Variants in GREB1 observed in about 807,000 individuals in gnomAD.
GREB1 encodes protein GREB1.
In GREB1, 106 loss-of-function variants were observed where a neutral mutation model predicts 200.7. The ratio of observed to expected loss-of-function variants is 0.53; its 90% CI spans 0.45 to 0.62. The LOEUF (loss-of-function observed/expected upper bound fraction) is 0.62. Among genes scored for constraint, GREB1 ranks in the 20% least tolerant of loss-of-function variants. The probability of loss-of-function intolerance (pLI) is 0.00; values close to 1 mark genes in which losing one functional copy is unlikely to be tolerated. For missense variants in GREB1, 2,243 were observed against 2,556.8 expected, an observed-to-expected ratio of 0.88 and a Z score of 2.65; for synonymous variants, 1,132 against 1,092.4, an observed-to-expected ratio of 1.04 and a Z score of -0.72.
At chr2:11,558,933 A>C (rs1405263618) in intron 2 of GREB1, among the ~76,000 whole-genome samples, 4 of 152,184 alleles carry the variant, frequency 2.6e-5, no homozygotes, top group Admixed American at 1.3e-4. Flanking sequence ...TTAACCTACC[A>C]CCTCCTTTAG....
upstream of GREB1, among the ~76,000 whole-genome samples, chr2:11,529,532 T>C (rs1673995241): frequency 6.6e-6 from 1 of 152,162 alleles, no homozygotes; most frequent in Non-Finnish European, 1.5e-5. Flanking sequence ...ACCCCCTTGC[T>C]CTAGGGGAGC....
At chr2:11,544,857 C>T (rs1165696650) in intron 1 of GREB1, among the ~76,000 whole-genome samples, 2 of 152,216 alleles carry the variant, frequency 1.3e-5, no homozygotes, top group Non-Finnish European at 2.9e-5. Flanking sequence ...CTCTGTCACC[C>T]AGGCTGGAGT....
intron 4 of GREB1, among the ~76,000 whole-genome samples, chr2:11,569,439 G>C (rs1177676370): frequency 6.6e-6 from 1 of 152,156 alleles, no homozygotes; most frequent in African/African-American, 2.4e-5. Context: ...AGCAGAGACG[G>C]TAAGGTGCTC....
intron 1 of GREB1, among the ~76,000 whole-genome samples, chr2:11,522,366 A>G (rs1673731796): frequency 6.6e-6 from 1 of 152,206 alleles, no homozygotes; most frequent in African/African-American, 2.4e-5. Context: ...AACCTCCAGC[A>G]TAAATGGGTT....
In GREB1 at chr2:11,635,322, C is replaced by G. The variant is rs767472441; in HGVS notation, c.5263C>G (p.Leu1755Val). The G allele has an allele frequency of 2.5e-5, 41 of 1,614,088 alleles. No homozygotes were observed. In the Admixed American group the frequency reaches 6.7e-4, roughly 26 times the overall value. Reference protein sequence around the residue: ...FNLRVHSAGLLLCRFNRFSVM... With the variant: ...FNLRVHSAGLVLCRFNRFSVM... Reference sequence around the variant, plus strand: ...CCTGCGGGTGCACAGCGCCGGCCTCCTGCTCTGCCGGTTCAACCGCTTCAG... The same window carrying G: ...CCTGCGGGTGCACAGCGCCGGCCTCGTGCTCTGCCGGTTCAACCGCTTCAG... Residue 1755 changes from leucine to valine, a missense_variant, in exon 30 of 33, where the codon CTG (leucine) becomes GTG (valine). Transcript: ENST00000381486.
intron 8 of GREB1, among the ~76,000 whole-genome samples, chr2:11,585,499 C>G (rs1005076648): frequency 6.6e-6 from 1 of 152,234 alleles, no homozygotes; most frequent in East Asian, 1.9e-4. Context: ...AGTGAGTTCT[C>G]TGATCCTTGA....
Position 11,585,154 on chromosome 2 carries a change from T to G in GREB1, c.902-7T>G, listed in dbSNP as rs1349635617. ...ATAGCCTAATCCACACTCTGAATAT[T>G]GTCTAGGTATCTTGTCAAACTCCGG... On this transcript the variant is annotated splice_region_variant and splice_polypyrimidine_tract_variant and intron_variant, in intron 7 of 32. Transcript: ENST00000381486. 1 of 1,513,358 alleles carries G rather than the reference T, an allele frequency of 6.6e-7. No homozygotes were observed. The highest frequency in any genetic ancestry group is 8.9e-7 in the Non-Finnish European group (1 of 1,120,300). 93.7% of individuals were successfully genotyped at this position (1,513,358 alleles called of 1,614,324 possible). A position where few individuals can be genotyped will look rare whatever the true frequency, so the allele number is the denominator to read the frequency against.
intron 25 of GREB1, among the ~76,000 whole-genome samples, chr2:11,628,802 G>A (rs887028016): frequency 3.3e-5 from 5 of 152,124 alleles, no homozygotes; most frequent in African/African-American, 1.2e-4. Context: ...AGAGGAGGAG[G>A]AGAGGCAGCC....
In GREB1 at chr2:11,504,731, T is replaced by C. The variant is rs76522681; in HGVS notation, c.-159+22350T>C. 3.2e-4 allele frequency among the ~76,000 whole-genome samples: 48 copies of C among 152,350 alleles called. No individual in the cohort carries two copies. In the East Asian group the frequency reaches 7.9e-3, roughly 25 times the overall value. On this transcript the variant is annotated intron_variant, in intron 1 of 2. Transcript: ENST00000628795. ...AATAACATTCCATTGTATGGATAGATCACATTTTGTTTATCCAAACATTGC... is the reference window on the plus strand; with the variant it reads ...AATAACATTCCATTGTATGGATAGACCACATTTTGTTTATCCAAACATTGC...
rs61394202 is a variant in GREB1, at chr2:11,513,879, A to C, written c.-159+31498A>C. Among the ~76,000 whole-genome samples the C allele has an allele frequency of 5.3e-3, 800 of 152,262 alleles. 7 individuals carry two copies. The highest frequency in any genetic ancestry group is 0.018 in the African/African-American group (747 of 41,548). On this transcript the variant is annotated intron_variant, in intron 1 of 2. Transcript: ENST00000628795. ...TCACCAGCATAACTTGTGGTTCTTC[A>C]GCCAGTAATTTCTGAGTAATAATCT...
rs781368645 is a variant in GREB1, at chr2:11,618,388, A to C, written c.3513A>C (p.Arg1171Ser). 3.5e-5 allele frequency: 56 copies of C among 1,611,676 alleles called. No individual in the cohort carries two copies. Among genetic ancestry groups the C allele is most frequent in the Middle Eastern group, 1.6e-4 (1 of 6,066 alleles). Reference sequence around the variant, plus strand: ...CCCGTGGCCCCGCAGAGGAGGGCAGAGCCCCTGGTGAGAAACAGAGGCCCC... The same window carrying C: ...CCCGTGGCCCCGCAGAGGAGGGCAGCGCCCCTGGTGAGAAACAGAGGCCCC... ...PQPRGPAEEG[R>S]APGEKQRPRA... Residue 1171 changes from arginine (R) to serine (S), a missense_variant, in exon 22 of 33, where the codon AGA becomes AGC. By Grantham distance (110) the Arg-to-Ser change is moderately radical. Coordinates refer to ENST00000381486, the MANE Select transcript of GREB1 (RefSeq NM_014668.4).
intron 1 of GREB1, among the ~76,000 whole-genome samples, chr2:11,498,238 T>C (rs997765996): frequency 6.6e-6 from 1 of 152,118 alleles, no homozygotes; most frequent in African/African-American, 2.4e-5. Context: ...TTATGTTTTA[T>C]GTGTAGGTCT....
intron 1 of GREB1, among the ~76,000 whole-genome samples, chr2:11,487,721 T>C (rs1354189023): frequency 2.0e-5 from 3 of 152,230 alleles, no homozygotes; most frequent in Admixed American, 2.0e-4. Context: ...GTTGTCAAGA[T>C]TTTGTCAATT....
chr2:11,579,036 G>A (rs1572785713), intron 6 of GREB1, among the ~76,000 whole-genome samples: 2 of 152,226 alleles, frequency 1.3e-5, no homozygotes, highest in South Asian at 2.1e-4. Flanking sequence ...TAAGCATGGC[G>A]ATTGTTATCA....
At chr2:11,551,210 G>A (rs1423677999) in intron 1 of GREB1, among the ~76,000 whole-genome samples, 1 of 152,202 alleles carries the variant, frequency 6.6e-6, no homozygotes, top group Non-Finnish European at 1.5e-5. Flanking sequence ...GATTTGAGCT[G>A]ACATGGAGCT....
intron 26 of GREB1, among the ~76,000 whole-genome samples, chr2:11,630,652 C>A (rs1049034545): frequency 5.3e-5 from 8 of 152,186 alleles, no homozygotes; most frequent in Non-Finnish European, 1.2e-4. Flanking sequence ...GGAAGTAAAT[C>A]CCAGACCTCA....
Position 11,593,035 on chromosome 2 carries a change from G to A in GREB1, c.1605G>A (p.Leu535=), listed in dbSNP as rs1471827473. 6.2e-7 allele frequency: 1 copy of A among 1,613,252 alleles called. No homozygotes were observed. Residue 535 remains leucine, a synonymous_variant, in exon 11 of 33, where the codon CTG becomes CTA. Coordinates refer to ENST00000381486, the MANE Select transcript of GREB1 (RefSeq NM_014668.4). ...AGGGCCTCTCCGAGATGTTCCGGCT[G>A]TTGGTCGAGGGCAAGCTTGCCAAGA... is the stretch of plus-strand genomic sequence containing the variant. ...LAEGLSEMFR[L]LVEGKLAKTN... is the part of the protein sequence containing the mutation.
intron 19 of GREB1, among the ~76,000 whole-genome samples, chr2:11,613,200 G>A (rs1179765054): frequency 1.3e-5 from 2 of 152,112 alleles, no homozygotes; most frequent in Non-Finnish European, 2.9e-5. Flanking sequence ...GCTGGTGTGG[G>A]GGGTCTCTAG....
chr2:11,607,593 CAT>C (rs142646482), intron 17 of GREB1, among the ~76,000 whole-genome samples: 344 of 3,304 alleles, frequency 0.1, 3 homozygotes, highest in Admixed American at 0.16. Context: ...TACATATATA[CAT>C]ATATATACAT....
Sources: allele counts gnomAD v4.1 joint callset (sites outside exome capture counted in the v4.1 genomes callset), GRCh38; gene constraint gnomAD v4.1.1; transcripts MANE v1.5; gene names NCBI Gene and HGNC (gene_info 2026-07-23, HGNC 2026-07-21).